CSMD3: variants seen among roughly 807,000 people sequenced by gnomAD.
CSMD3 encodes CUB and sushi domain-containing protein 3.
In CSMD3, 177 loss-of-function variants were observed where a neutral mutation model predicts 435.2. That is an observed-to-expected ratio of 0.41 (90% CI 0.36 to 0.46). The LOEUF is 0.46. CSMD3 is among the 20% of genes least tolerant of loss of function. CSMD3 has a pLI of 0.34. For missense variants in CSMD3, 4,265 were observed against 4,504.6 expected, an observed-to-expected ratio of 0.95 and a Z score of 1.52; for synonymous variants, 1,656 against 1,520.5, an observed-to-expected ratio of 1.09 and a Z score of -2.07.
chr8:113,090,738 G>A (rs1167835962), intron 5 of CSMD3, among the ~76,000 whole-genome samples: 1 of 152,028 alleles, frequency 6.6e-6, no homozygotes, highest in African/African-American at 2.4e-5. Context: ...CAAGCCTGCT[G>A]TAGAAAAATT....
At chr8:112,444,435 G>A (rs921821129) in intron 32 of CSMD3, among the ~76,000 whole-genome samples, 1 of 152,140 alleles carries the variant, frequency 6.6e-6, no homozygotes, top group South Asian at 2.1e-4. Context: ...GTTCAATATA[G>A]GCTCAGACTG....
intron 5 of CSMD3, among the ~76,000 whole-genome samples, chr8:113,087,869 A>C (rs1240662398): frequency 2.6e-5 from 4 of 152,208 alleles, no homozygotes; most frequent in African/African-American, 9.7e-5. Context: ...GGATCTAATT[A>C]AACTAAAGAG....
At chr8:113,215,834 C>A (rs2092898245) in intron 3 of CSMD3, among the ~76,000 whole-genome samples, 1 of 151,280 alleles carries the variant, frequency 6.6e-6, no homozygotes, top group South Asian at 2.1e-4. Flanking sequence ...ATACCTTTTT[C>A]TTTTTAAAAA....
chr8:113,131,935 T>C (rs2091294546), intron 4 of CSMD3, among the ~76,000 whole-genome samples: 1 of 152,148 alleles, frequency 6.6e-6, no homozygotes, highest in African/African-American at 2.4e-5. Flanking sequence ...CCTCAAGCAA[T>C]TCTCCCACCT....
chr8:112,876,958 C>A (rs191146537), intron 10 of CSMD3, among the ~76,000 whole-genome samples: 38 of 152,182 alleles, frequency 2.5e-4, no homozygotes, highest in African/African-American at 8.7e-4. Context: ...TTCCTATATA[C>A]CAACAATAGA....
At chr8:113,046,574 A>G (rs2087844618) in intron 5 of CSMD3, among the ~76,000 whole-genome samples, 2 of 152,152 alleles carry the variant, frequency 1.3e-5, no homozygotes, top group Admixed American at 6.5e-5. Context: ...CCCTACTGTC[A>G]AGGCCTCTCC....
rs1335474872 is a variant in CSMD3 at position 113,265,300 on chromosome 8, C to CA, written c.514+13291dup. ...GTGTGCAGGGTGTTCTGAGCAGAAA[C>CA]AAAAAAAAATAGCCTGGGTTAAGAC... On this transcript the variant is annotated intron_variant, in intron 3 of 70. Transcript: ENST00000297405. 2.8e-4 allele frequency among the ~76,000 whole-genome samples: 42 copies of CA among 148,284 alleles called. No homozygotes were observed. In the East Asian group the frequency reaches 3.3e-3, roughly 12 times the overall value.
chr8:112,881,416 T>C (rs79071152), intron 10 of CSMD3, among the ~76,000 whole-genome samples: 5,010 of 152,172 alleles, frequency 0.033, 110 homozygotes, highest in Non-Finnish European at 0.042. Flanking sequence ...GACATTAAAT[T>C]GCATTTCTTT....
chr8:112,967,344 A>G (rs1564158967), intron 7 of CSMD3, among the ~76,000 whole-genome samples: 2 of 152,038 alleles, frequency 1.3e-5, no homozygotes, highest in East Asian at 3.9e-4. Flanking sequence ...ATAAAAATAA[A>G]GCTCATTTTT....
chr8:113,285,261 C>CTTT (rs11420062), intron 2 of CSMD3, among the ~76,000 whole-genome samples: 8 of 128,166 alleles, frequency 6.2e-5, no homozygotes, highest in East Asian at 2.3e-4. Context: ...TTGGTGACAG[C>CTTT]TTTTTTTTTT....
intron 63 of CSMD3, among the ~76,000 whole-genome samples, chr8:112,250,675 CT>C (rs1292318102): frequency 6.6e-6 from 1 of 151,468 alleles, no homozygotes; most frequent in Admixed American, 6.6e-5. Flanking sequence ...GGAAAAATAA[CT>C]TATGTACAAT....
intron 9 of CSMD3, among the ~76,000 whole-genome samples, chr8:112,946,742 C>T (rs1415082308): frequency 1.3e-5 from 2 of 151,590 alleles, no homozygotes; most frequent in Non-Finnish European, 3.0e-5. Flanking sequence ...TGTGTTCCTT[C>T]AAATATTATT....
intron 18 of CSMD3, among the ~76,000 whole-genome samples, chr8:112,655,675 T>C (rs2075239910): frequency 6.6e-6 from 1 of 152,010 alleles, no homozygotes; most frequent in Non-Finnish European, 1.5e-5. Context: ...TATATACAGT[T>C]TGCCTTTTAA....
intron 5 of CSMD3, among the ~76,000 whole-genome samples, chr8:113,040,921 G>A (rs975325509): frequency 1.6e-4 from 25 of 152,022 alleles, no homozygotes; most frequent in African/African-American, 5.8e-4. Flanking sequence ...ACAAAAGGTG[G>A]GGCCAGAAGC....
At chr8:113,316,605 A>G (rs2093912036) in intron 1 of CSMD3, among the ~76,000 whole-genome samples, 1 of 149,646 alleles carries the variant, frequency 6.7e-6, no homozygotes, top group Admixed American at 6.7e-5. Context: ...GCTATAGTGT[A>G]GTGGCGTGAT....
chr8:112,242,925 G>A (rs1814306255), intron 65 of CSMD3, among the ~76,000 whole-genome samples: 1 of 152,058 alleles, frequency 6.6e-6, no homozygotes, highest in Non-Finnish European at 1.5e-5. Context: ...ACAAGAGATG[G>A]CTAAGTACTG....
At chr8:112,709,288 T>C (rs1198259626) in intron 13 of CSMD3, among the ~76,000 whole-genome samples, 2 of 152,152 alleles carry the variant, frequency 1.3e-5, no homozygotes. Context: ...TAATGGCCCA[T>C]TAACCAGTAC....
chr8:112,911,130 A>C (rs2130534704), intron 10 of CSMD3, among the ~76,000 whole-genome samples: 1 of 151,916 alleles, frequency 6.6e-6, no homozygotes, highest in East Asian at 2.0e-4. Flanking sequence ...TCATTCACTT[A>C]ATCTAAAGTC....
At chr8:112,400,000 C>T (rs184230977) in intron 35 of CSMD3, among the ~76,000 whole-genome samples, 1 of 152,280 alleles carries the variant, frequency 6.6e-6, no homozygotes, top group Admixed American at 6.5e-5. Flanking sequence ...GCACCTCAAA[C>T]TCTTCCAGCC....
Sources: gnomAD v4.1 joint callset for allele counts (sites outside exome capture counted in the v4.1 genomes callset) on GRCh38, gnomAD v4.1.1 for gene constraint, MANE v1.5 for transcripts, NCBI Gene and HGNC (gene_info 2026-07-23, HGNC 2026-07-21) for gene names.